SNTG1: variants seen among roughly 807,000 people sequenced by gnomAD.
The protein encoded by SNTG1 is gamma-1-syntrophin.
In SNTG1, 39 loss-of-function variants were observed where a neutral mutation model predicts 74.7. The observed-to-expected ratio is 0.52, with a 90% confidence interval of 0.40 to 0.68. The LOEUF (loss-of-function observed/expected upper bound fraction) is 0.68, where lower values mean the gene tolerates loss of function less well. Among genes scored for constraint, SNTG1 ranks in the 30% least tolerant of loss-of-function variants. The probability of loss-of-function intolerance (pLI) is 0.00; values close to 1 mark genes in which losing one functional copy is unlikely to be tolerated. For synonymous variants in SNTG1, 254 were observed against 217.1 expected (o/e 1.17, Z -1.49); for missense variants, 685 against 609.5 (o/e 1.12, Z -1.30).
At chr8:50,136,676 G>A (rs776534746) in intron 1 of SNTG1, among the ~76,000 whole-genome samples, 5 of 152,106 alleles carry the variant, frequency 3.3e-5, no homozygotes, top group Non-Finnish European at 5.9e-5. Context: ...CCTTCCTGAA[G>A]CATCAATTTA....
At chr8:49,990,437 T>G (rs1813568988) in intron 1 of SNTG1, among the ~76,000 whole-genome samples, 1 of 151,998 alleles carries the variant, frequency 6.6e-6, no homozygotes, top group Non-Finnish European at 1.5e-5. Flanking sequence ...GATTTGAACA[T>G]TCATATGAAA....
At chr8:50,392,741 G>T (rs1383134168) in intron 2 of SNTG1, among the ~76,000 whole-genome samples, 1 of 152,030 alleles carries the variant, frequency 6.6e-6, no homozygotes, top group Non-Finnish European at 1.5e-5. Context: ...GATTAGAATT[G>T]AAAAAAGGAA....
intron 3 of SNTG1, 21 bp downstream of exon 3, chr8:50,394,286 T>C: frequency 1.2e-6 from 2 of 1,608,630 alleles, no homozygotes; most frequent in South Asian, 1.1e-5. Flanking sequence ...AGCTTTCTGC[T>C]TTTCAAACAG....
intron 17 of SNTG1, among the ~76,000 whole-genome samples, chr8:50,732,603 A>G (rs923211631): frequency 2.0e-5 from 3 of 151,940 alleles, no homozygotes; most frequent in Admixed American, 6.6e-5. Context: ...TTTCCATACA[A>G]TTAATTTTTA....
intron 1 of SNTG1, among the ~76,000 whole-genome samples, chr8:49,927,565 T>C (rs983712751): frequency 2.0e-5 from 3 of 152,174 alleles, no homozygotes; most frequent in African/African-American, 7.2e-5. Flanking sequence ...GAAGCTAACC[T>C]AGAAAGGCTA....
At chr8:50,576,300 T>C (rs906420665) in intron 12 of SNTG1, among the ~76,000 whole-genome samples, 2 of 152,226 alleles carry the variant, frequency 1.3e-5, no homozygotes, top group Non-Finnish European at 2.9e-5. Flanking sequence ...ATATGAGGGC[T>C]TATTTCTGGA....
chr8:50,190,454 A>G (rs2083530145), intron 2 of SNTG1, among the ~76,000 whole-genome samples: 1 of 152,154 alleles, frequency 6.6e-6, no homozygotes, highest in South Asian at 2.1e-4. Flanking sequence ...AACATCAGTA[A>G]GGTTATGACT....
rs1389211123 is a variant in SNTG1 at position 50,192,833 on chromosome 8, G to C, written c.-28+20198G>C. Among the ~76,000 whole-genome samples the C allele has an allele frequency of 3.3e-5, 5 of 152,238 alleles. No homozygotes were observed. In the East Asian group the frequency reaches 9.7e-4, roughly 29 times the overall value. ...TCTTGAGTTGATTTTTGTATAAGGT[G>C]AGAGATGAGGATCCAGTTTCCTTCT... On this transcript the variant is annotated intron_variant, in intron 2 of 18. Transcript: ENST00000642720.
intron 1 of SNTG1, among the ~76,000 whole-genome samples, chr8:50,108,272 G>C (rs573690761): frequency 6.6e-6 from 1 of 152,312 alleles, no homozygotes; most frequent in Non-Finnish European, 1.5e-5. Flanking sequence ...TTATTTATTA[G>C]ACTTGACATG....
At chr8:50,401,686 T>C (rs1238967094) in intron 3 of SNTG1, among the ~76,000 whole-genome samples, 2 of 151,982 alleles carry the variant, frequency 1.3e-5, no homozygotes, top group African/African-American at 4.8e-5. Context: ...AATGCTGACA[T>C]AGTGGAGTTT....
intron 8 of SNTG1, among the ~76,000 whole-genome samples, chr8:50,498,737 A>G (rs2093925568): frequency 6.6e-6 from 1 of 151,902 alleles, no homozygotes; most frequent in South Asian, 2.1e-4. Flanking sequence ...ACATTCAGGT[A>G]ATTGATTCAC....
intron 1 of SNTG1, among the ~76,000 whole-genome samples, chr8:49,917,159 T>A (rs1225772085): frequency 6.6e-6 from 1 of 152,172 alleles, no homozygotes; most frequent in Non-Finnish European, 1.5e-5. Context: ...ACACACAAAA[T>A]CTGAGGTTCA....
At chr8:50,755,417 T>A (rs969441213) in intron 18 of SNTG1, among the ~76,000 whole-genome samples, 2 of 151,908 alleles carry the variant, frequency 1.3e-5, no homozygotes, top group African/African-American at 4.8e-5. Flanking sequence ...TTCTTCCATG[T>A]CTTTTCATGA....
chr8:50,273,066 T>C (rs1408963190), intron 2 of SNTG1, among the ~76,000 whole-genome samples: 1 of 152,196 alleles, frequency 6.6e-6, no homozygotes, highest in Non-Finnish European at 1.5e-5. Flanking sequence ...AAATTTTTTA[T>C]AATTACAAAT....
chr8:50,347,681 C>T (rs1031495748), intron 2 of SNTG1, among the ~76,000 whole-genome samples: 3 of 152,106 alleles, frequency 2.0e-5, no homozygotes, highest in African/African-American at 7.2e-5. Context: ...CCATTAAGAA[C>T]ATTTATCTTT....
At chr8:49,996,968 T>C (rs1814281985) in intron 1 of SNTG1, among the ~76,000 whole-genome samples, 1 of 152,170 alleles carries the variant, frequency 6.6e-6, no homozygotes, top group Admixed American at 6.6e-5. Flanking sequence ...TTTTATGCTA[T>C]TTAATAGACT....
chr8:50,340,947 C>T (rs1176046220), intron 2 of SNTG1, among the ~76,000 whole-genome samples: 1 of 151,874 alleles, frequency 6.6e-6, no homozygotes, highest in African/African-American at 2.4e-5. Context: ...CTTGTTCACA[C>T]ACAAAAAAAT....
At chr8:49,969,962 G>A (rs1037236071) in intron 1 of SNTG1, among the ~76,000 whole-genome samples, 1 of 151,516 alleles carries the variant, frequency 6.6e-6, no homozygotes, top group African/African-American at 2.4e-5. Context: ...AGGCTGGTGT[G>A]CTATTGAATC....
chr8:50,633,146 A>G (rs1432635696), intron 13 of SNTG1, among the ~76,000 whole-genome samples: 4 of 101,362 alleles, frequency 3.9e-5, no homozygotes, highest in Non-Finnish European at 9.9e-5. Context: ...GCTGTCTTCC[A>G]TTTCATTGCC....
Sources: gnomAD v4.1 joint callset for allele counts (sites outside exome capture counted in the v4.1 genomes callset) on GRCh38, gnomAD v4.1.1 for gene constraint, MANE v1.5 for transcripts, NCBI Gene and HGNC (gene_info 2026-07-23, HGNC 2026-07-21) for gene names.